The following DLGAP1 variants were observed in gnomAD, a reference collection of about 807,000 sequenced individuals.
DLGAP1 encodes the protein DLG associated protein 1, also known as disks large-associated protein 1.
DLGAP1 carries 11 observed loss-of-function variants against 90.8 expected under a neutral mutation model. The observed-to-expected ratio is 0.12, with a 90% CI of 0.08 to 0.20. The LOEUF is 0.20. Ranked by LOEUF, DLGAP1 falls within the 10% of genes least tolerant of loss-of-function variation. The pLI is 1.00. For synonymous variants in DLGAP1, 558 were observed against 540.7 expected, an observed-to-expected ratio of 1.03 and a Z score of -0.44; for missense variants, 1,050 against 1,333.8, an observed-to-expected ratio of 0.79 and a Z score of 3.31.
In DLGAP1 at chr18:3,966,108, A is replaced by AATG. The variant is rs1319018109; in HGVS notation, c.-73+39005_-73+39007dup. On this transcript the variant is annotated intron_variant, in intron 3 of 12. Coordinates refer to ENST00000315677, the MANE Select transcript of DLGAP1 (RefSeq NM_004746.4). ...TGAAAAAAATAAAAATGGGACACAG[A>AATG]ATGATAGGGTGGTAGAAACCACATT... Among the ~76,000 whole-genome samples the AATG allele has an allele frequency of 5.3e-5, 8 of 152,188 alleles. No homozygotes were observed. In the East Asian group the frequency reaches 1.4e-3, roughly 26 times the overall value.
chr18:3,667,244 T>A (rs56373155), intron 7 of DLGAP1, among the ~76,000 whole-genome samples: 15,453 of 151,988 alleles, frequency 0.1, 1,450 homozygotes, highest in African/African-American at 0.25. Flanking sequence ...CCACCCAGCT[T>A]ATTTTTGTAC....
intron 1 of DLGAP1, among the ~76,000 whole-genome samples, chr18:4,156,605 C>A (rs1411838452): frequency 1.3e-5 from 2 of 152,202 alleles, no homozygotes; most frequent in East Asian, 3.9e-4. Context: ...GATAATCATA[C>A]TCAGTAAGTC....
intron 2 of DLGAP1, among the ~76,000 whole-genome samples, chr18:4,065,726 C>A (rs1303524604): frequency 1.3e-5 from 2 of 151,906 alleles, no homozygotes; most frequent in Non-Finnish European, 2.9e-5. Context: ...AAATCAATGT[C>A]ATTAAAATGG....
At chr18:4,336,971 G>A (rs896799855) in intron 1 of DLGAP1, among the ~76,000 whole-genome samples, 13 of 150,604 alleles carry the variant, frequency 8.6e-5, no homozygotes, top group East Asian at 2.0e-4. Flanking sequence ...AAAATTAGCC[G>A]GGCGTGGTGG....
rs765812538 is a variant in DLGAP1, at chr18:3,879,879, G to C, written c.190C>G (p.Pro64Ala). 6.2e-7 allele frequency: 1 copy of C among 1,611,278 alleles called. No individual in the cohort carries two copies. The highest frequency in any genetic ancestry group is 8.5e-7 in the Non-Finnish European group (1 of 1,179,550). ...CGGGGGAAGGTGCTGCTGGCCAGCG[G>C]GTCGCTGAAGGGGCCCACGCACTCA... ...QAECVGPFSD[P>A]LASSTFPRRH... is the part of the protein sequence containing the mutation. The change falls in exon 4 of 13, where the codon CCG becomes GCG. Residue 64 changes from proline to alanine, a missense_variant. Pro to Ala is a conservative substitution (Grantham distance 27). Transcript: ENST00000315677. This position sits in a 1 kb window ranked among gnomAD's most constrained non-coding sequence, Gnocchi z 6.6.
chr18:3,711,763 C>T lies in DLGAP1; in HGVS notation c.1591+17372G>A, dbSNP rs1033676072. Among the ~76,000 whole-genome samples the T allele has an allele frequency of 5.9e-5, 9 of 152,014 alleles. No individual in the cohort carries two copies. The highest frequency in any genetic ancestry group is 2.1e-4 in the South Asian group (1 of 4,820). The stretch of plus-strand genomic sequence containing the variant: ...CTCAGGTGGGAGGCTTGCTTGAGCC[C>T]GGGAGATCAAGGCTGTTGTGAGCCA... On this transcript the variant is annotated intron_variant, in intron 7 of 12. Transcript: ENST00000315677. The surrounding 1 kb of genome is among the most constrained non-coding windows in gnomAD (Gnocchi z 4.0).
At chr18:3,702,466 G>C (rs905495073) in intron 7 of DLGAP1, among the ~76,000 whole-genome samples, 8 of 152,226 alleles carry the variant, frequency 5.3e-5, no homozygotes, top group African/African-American at 1.7e-4. Context: ...CAATAGACAA[G>C]TTCCCAAGAG....
intron 1 of DLGAP1, among the ~76,000 whole-genome samples, chr18:4,422,005 T>C (rs2083047771): frequency 6.6e-6 from 1 of 152,148 alleles, no homozygotes; most frequent in Admixed American, 6.6e-5. Context: ...TGAGCCACCA[T>C]GCCTGGCCTG....
rs1441095000 is a variant in DLGAP1, at chr18:3,720,888, C to CCAAAAAAAAAAAAAAAA, written c.1591+8246_1591+8247insTTTTTTTTTTTTTTTTG. ...GCAACATACTAAGACCTTGTCTCTA[C>CCAAAAAAAAAAAAAAAA]AAAAAAAAAAAAAAAAAAAAATTAG... On this transcript the variant is annotated intron_variant, in intron 7 of 12. Transcript: ENST00000315677. Among the ~76,000 whole-genome samples the CCAAAAAAAAAAAAAAAA allele has an allele frequency of 7.4e-4, 37 of 50,314 alleles. 2 individuals carry two copies. Among genetic ancestry groups the CCAAAAAAAAAAAAAAAA allele is most frequent in the African/African-American group, 2.6e-3 (33 of 12,494 alleles). 33.0% of individuals were successfully genotyped at this position (50,314 alleles called of 152,430 possible).
At chr18:3,519,983 C>T (rs1377193248) in intron 10 of DLGAP1, among the ~76,000 whole-genome samples, 1 of 152,146 alleles carries the variant, frequency 6.6e-6, no homozygotes, top group Non-Finnish European at 1.5e-5. Context: ...CACCCTGGCA[C>T]ATGTTCACCT....
intron 1 of DLGAP1, among the ~76,000 whole-genome samples, chr18:4,414,981 T>C (rs1255517393): frequency 1.3e-5 from 2 of 152,084 alleles, no homozygotes; most frequent in Non-Finnish European, 2.9e-5. Context: ...AGTGATATTA[T>C]ACAAAACAAC....
At chr18:4,162,797 CTATTCAA>C (rs1217311585) in intron 1 of DLGAP1, among the ~76,000 whole-genome samples, 8 of 152,096 alleles carry the variant, frequency 5.3e-5, no homozygotes, top group Non-Finnish European at 1.2e-4. Context: ...CACCCTAAAG[CTATTCAA>C]TAATGGAAAA....
intron 8 of DLGAP1, among the ~76,000 whole-genome samples, chr18:3,581,201 G>A (rs1374259506): frequency 6.6e-6 from 1 of 152,202 alleles, no homozygotes; most frequent in East Asian, 1.9e-4. Flanking sequence ...TCCTGAGAAG[G>A]AGGGAAATGA....
chr18:4,245,602 T>C (rs142345814), intron 1 of DLGAP1, among the ~76,000 whole-genome samples: 2,853 of 152,294 alleles, frequency 0.019, 36 homozygotes, highest in Non-Finnish European at 0.027. Context: ...AGTTCCAGAC[T>C]ACAGCAGCAC....
At chr18:4,156,701 T>C (rs2076762215) in intron 1 of DLGAP1, among the ~76,000 whole-genome samples, 2 of 152,188 alleles carry the variant, frequency 1.3e-5, no homozygotes, top group Admixed American at 6.5e-5. Flanking sequence ...ACTGAACAGA[T>C]ATGAATCTAT....
chr18:3,501,964 A>C (rs906284516), intron 12 of DLGAP1, among the ~76,000 whole-genome samples: 4 of 152,096 alleles, frequency 2.6e-5, no homozygotes, highest in Non-Finnish European at 2.9e-5. Context: ...AAAAAAAAAA[A>C]AAAAACCCAA....
At chr18:4,011,029 A>T (rs560091002) in intron 2 of DLGAP1, among the ~76,000 whole-genome samples, 1 of 151,974 alleles carries the variant, frequency 6.6e-6, no homozygotes, top group East Asian at 1.9e-4. Context: ...TACAAAAATT[A>T]GCCGGTCGTG....
At chr18:4,144,961 C>A (rs899469636) in intron 2 of DLGAP1, among the ~76,000 whole-genome samples, 2 of 152,138 alleles carry the variant, frequency 1.3e-5, no homozygotes, top group Admixed American at 6.5e-5. Flanking sequence ...CTATTATACT[C>A]TTATTTTACG....
At chr18:3,768,173 G>T (rs1055433268) in intron 5 of DLGAP1, among the ~76,000 whole-genome samples, 1 of 152,040 alleles carries the variant, frequency 6.6e-6, no homozygotes, top group African/African-American at 2.4e-5. Flanking sequence ...ACACCTGGAC[G>T]CAGAAATTAA....
Sources: allele counts gnomAD v4.1 joint callset (sites outside exome capture counted in the v4.1 genomes callset), GRCh38; gene constraint gnomAD v4.1.1; non-coding constraint Gnocchi (gnomAD v3.1); transcripts MANE v1.5; gene names NCBI Gene and HGNC (gene_info 2026-07-23, HGNC 2026-07-21).